MYO10: variants seen among roughly 807,000 people sequenced by gnomAD.
MYO10 encodes the protein unconventional myosin-X.
In MYO10, 133 loss-of-function variants were observed where a neutral mutation model predicts 257.3. The observed-to-expected ratio is 0.52, with a 90% confidence interval of 0.45 to 0.60. The LOEUF is 0.60. Among genes scored for constraint, MYO10 ranks in the 20% least tolerant of loss-of-function variants. The probability of loss-of-function intolerance (pLI) is 0.00; values close to 1 mark genes in which losing one functional copy is unlikely to be tolerated. For missense variants in MYO10, 2,399 were observed against 2,635.7 expected, an observed-to-expected ratio of 0.91 and a Z score of 1.97; for synonymous variants, 1,104 against 1,028.6, an observed-to-expected ratio of 1.07 and a Z score of -1.40.
chr5:16,907,106 T>C (rs1212183280), intron 1 of MYO10, among the ~76,000 whole-genome samples: 2 of 151,784 alleles, frequency 1.3e-5, no homozygotes, highest in Non-Finnish European at 2.9e-5. Flanking sequence ...AGAATGAGAC[T>C]CCATCTCAAA....
intron 1 of MYO10, among the ~76,000 whole-genome samples, chr5:16,901,284 C>A (rs1042263673): frequency 6.6e-6 from 1 of 152,112 alleles, no homozygotes; most frequent in Non-Finnish European, 1.5e-5. Flanking sequence ...GCTGGGCGCC[C>A]CTCCTCCGTC....
intron 19 of MYO10, among the ~76,000 whole-genome samples, chr5:16,739,922 C>T (rs752347410): frequency 6.6e-6 from 1 of 152,032 alleles, no homozygotes; most frequent in African/African-American, 2.4e-5. Context: ...GCATCTAATG[C>T]GGTGGTGTTT....
At chr5:16,823,098 G>GT (rs2126710063) in intron 2 of MYO10, among the ~76,000 whole-genome samples, 1 of 151,590 alleles carries the variant, frequency 6.6e-6, no homozygotes, top group Non-Finnish European at 1.5e-5. Context: ...AATTAGCAGG[G>GT]TATTAGTCGT....
intron 19 of MYO10, among the ~76,000 whole-genome samples, chr5:16,740,080 G>T (rs1739962183): frequency 1.3e-5 from 2 of 152,190 alleles, no homozygotes; most frequent in South Asian, 4.1e-4. Context: ...CATCTGCACA[G>T]ATGAGAGAAG....
At chr5:16,797,451 A>G (rs562019890) in intron 3 of MYO10, among the ~76,000 whole-genome samples, 1 of 152,372 alleles carries the variant, frequency 6.6e-6, no homozygotes, top group African/African-American at 2.4e-5. Flanking sequence ...AGATATTACC[A>G]TATGACCCAG....
chr5:16,747,240 C>A (rs1020584431), intron 19 of MYO10, among the ~76,000 whole-genome samples: 8 of 152,130 alleles, frequency 5.3e-5, no homozygotes, highest in African/African-American at 1.9e-4. Context: ...AAGACACCAC[C>A]CCAATACTGA....
chr5:16,874,035 C>A (rs1427081174), intron 2 of MYO10, among the ~76,000 whole-genome samples: 1 of 152,116 alleles, frequency 6.6e-6, no homozygotes, highest in Admixed American at 6.6e-5. Flanking sequence ...GAATTTCTCC[C>A]CAGAAAATGG....
At position 16,671,463 on chromosome 5, in the gene MYO10, C is replaced by T. The variant is rs536649750; in HGVS notation, c.5389G>A (p.Val1797Met). The change falls in exon 38 of 41, where the codon GTG becomes ATG. Residue 1797 changes from valine (V) to methionine (M), a missense_variant. Val to Met is a conservative substitution (Grantham distance 21). Around this residue, in one of 3 missense-constraint regions of MYO10, gnomAD observed 1,820 missense variants for 1,939.4 expected, o/e 0.94. Coordinates refer to ENST00000513610, the MANE Select transcript of MYO10 (RefSeq NM_012334.3). Reference protein sequence around the residue: ...KLYCFLDTDNVPKDSVEFAFM... With the variant: ...KLYCFLDTDNMPKDSVEFAFM... ...GCAAACTCCACACTGTCTTTTGGCA[C>T]GTTGTCTGTGTCCAGGAAGCAGTAA... 8.1e-6 allele frequency: 13 copies of T among 1,614,022 alleles called. No individual in the cohort carries two copies. The highest frequency in any genetic ancestry group is 2.2e-5 in the East Asian group (1 of 44,884).
chr5:16,842,812 T>C (rs1743522281), intron 2 of MYO10, among the ~76,000 whole-genome samples: 1 of 151,714 alleles, frequency 6.6e-6, no homozygotes, highest in East Asian at 1.9e-4. Context: ...GGTAGATTGC[T>C]TGAGCCTGGA....
In MYO10 at chr5:16,763,564, A is replaced by G. The variant is rs370708677; in HGVS notation, c.1428-17T>C. Reference sequence around the variant, plus strand: ...AATCCTTCCCTGTAGAAAGATTTTAAACAGCCAAGTTAAATGAAAACATAG... The same window carrying G: ...AATCCTTCCCTGTAGAAAGATTTTAGACAGCCAAGTTAAATGAAAACATAG... On this transcript the variant is annotated splice_polypyrimidine_tract_variant and intron_variant, in intron 13 of 40. Transcript: ENST00000513610. 2.6e-4 allele frequency: 416 copies of G among 1,604,224 alleles called. 1 individual carries two copies. The highest frequency in any genetic ancestry group is 4.2e-4 in the Admixed American group (25 of 59,960).
chr5:16,895,489 A>G (rs983137998), intron 1 of MYO10, among the ~76,000 whole-genome samples: 1 of 152,074 alleles, frequency 6.6e-6, no homozygotes, highest in African/African-American at 2.4e-5. Context: ...CCCCTGGATG[A>G]CACGCCCCAT....
At chr5:16,775,470 C>G (rs940459395) in intron 9 of MYO10, among the ~76,000 whole-genome samples, 1 of 152,142 alleles carries the variant, frequency 6.6e-6, no homozygotes. Context: ...ACTCTGTCAT[C>G]CAGGCTGCAG....
chr5:16,822,903 G>A (rs371640069), intron 2 of MYO10, among the ~76,000 whole-genome samples: 2 of 151,596 alleles, frequency 1.3e-5, no homozygotes, highest in South Asian at 2.1e-4. Context: ...TAGCCAGGAC[G>A]GTCTCGATCT....
At chr5:16,699,822 G>C (rs200863730) in intron 25 of MYO10, among the ~76,000 whole-genome samples, 2 of 133,316 alleles carry the variant, frequency 1.5e-5, no homozygotes, top group Admixed American at 7.5e-5. Flanking sequence ...AAAGGAAAAA[G>C]AAAAAAAACA....
intron 2 of MYO10, among the ~76,000 whole-genome samples, chr5:16,819,945 G>T (rs758245065): frequency 1.3e-5 from 2 of 152,190 alleles, no homozygotes; most frequent in African/African-American, 2.4e-5. Context: ...CGTCTCTTAT[G>T]AAGAAAAGCC....
chr5:16,728,880 A>G (rs1739471345), intron 19 of MYO10, among the ~76,000 whole-genome samples: 2 of 152,262 alleles, frequency 1.3e-5, no homozygotes, highest in Non-Finnish European at 2.9e-5. Flanking sequence ...GAACTCTTAC[A>G]GCGATCTGAT....
chr5:16,813,558 AAAAAAAAACCAACAACAAC>A (rs2126699857), intron 3 of MYO10, among the ~76,000 whole-genome samples: 1 of 151,646 alleles, frequency 6.6e-6, no homozygotes, highest in East Asian at 1.9e-4. Context: ...CTCTAAAAAA[AAAAAAAAACCAACAACAAC>A]AAAAAAAGGA....
Position 16,682,907 on chromosome 5 carries a change from T to C in MYO10, c.4047-894A>G, listed in dbSNP as rs186909223. On this transcript the variant is annotated intron_variant, in intron 30 of 40. Transcript: ENST00000513610. ...AAAATTCTAAGGATGGATCATCACA[T>C]GCCCAGCCTGGAGGAGTGAAGGGCT... 2.9e-3 allele frequency among the ~76,000 whole-genome samples: 449 copies of C among 152,248 alleles called. 1 individual carries two copies. Among genetic ancestry groups the C allele is most frequent in the Admixed American group, 7.0e-3 (107 of 15,288 alleles).
intron 8 of MYO10, 145 bp from the exon 9 acceptor site, chr5:16,779,793 C>T: frequency 5.8e-6 from 3 of 518,792 alleles, no homozygotes; most frequent in Non-Finnish European, 3.4e-6. Flanking sequence ...CTCTTAGTTA[C>T]CATCTAGGGA....
Sources: allele counts gnomAD v4.1 joint callset (sites outside exome capture counted in the v4.1 genomes callset), GRCh38; gene constraint gnomAD v4.1.1; regional missense constraint gnomAD v4.1.1; transcripts MANE v1.5; gene names NCBI Gene and HGNC (gene_info 2026-07-23, HGNC 2026-07-21).